Variants in KIF27 observed in about 807,000 individuals in gnomAD.
KIF27 encodes kinesin family member 27, also known as kinesin-like protein KIF27.
In KIF27, 84 loss-of-function variants were observed where a neutral mutation model predicts 141.8. That is an observed-to-expected ratio of 0.59 (90% CI 0.50 to 0.71). The LOEUF is 0.71. KIF27 is among the 30% of genes least tolerant of loss of function. The pLI is 0.00. For synonymous variants in KIF27, 471 were observed against 569.5 expected, an observed-to-expected ratio of 0.83 and a Z score of 2.46; for missense variants, 1,306 against 1,628.4, an observed-to-expected ratio of 0.80 and a Z score of 3.41.
chr9:83,903,826 T>C lies in KIF27; in HGVS notation c.692A>G (p.Tyr231Cys), dbSNP rs1954200065. 6.2e-7 allele frequency: 1 copy of C among 1,614,058 alleles called. No homozygotes were observed. Among genetic ancestry groups the C allele is most frequent in the Non-Finnish European group, 8.5e-7 (1 of 1,180,040 alleles). Residue 231 changes from tyrosine to cysteine, a missense_variant, in exon 4 of 18, where the codon TAT becomes TGT. Transcript: ENST00000297814. The part of the protein sequence containing the change: ...NMEAAEDGSW[Y>C]SPRHIVSKFH... ...CTTTGAGACAATATGCCGAGGGGAATACCATGATCCATCTTCAGCTGCCTC... is the reference window on the plus strand; with the variant it reads ...CTTTGAGACAATATGCCGAGGGGAACACCATGATCCATCTTCAGCTGCCTC...
intron 4 of KIF27, among the ~76,000 whole-genome samples, chr9:83,902,298 G>A (rs1248613999): frequency 2.0e-5 from 3 of 152,110 alleles, no homozygotes; most frequent in Admixed American, 6.6e-5. Context: ...ACAGAACCAT[G>A]GAAGCTGGGA....
In KIF27 at chr9:83,903,171, G is replaced by T. The variant is rs369773131; in HGVS notation, c.1347C>A (p.Val449=). The T allele has an allele frequency of 6.2e-7, 1 of 1,614,036 alleles. No homozygotes were observed. The highest frequency in any genetic ancestry group is 1.3e-5 in the African/African-American group (1 of 74,916). The stretch of plus-strand genomic sequence containing the variant: ...GAAATGAGGTGAGGACAGCCTTCCT[G>T]ACCTCTTGGATCATGTTAAACCACT... ...LQEWFNMIQE[V]RKAVLTSFRG... is the part of the protein sequence containing the mutation. The change falls in exon 4 of 18, where the codon GTC becomes GTA. Residue 449 remains valine, a synonymous_variant. Transcript: ENST00000297814.
intron 2 of KIF27, among the ~76,000 whole-genome samples, chr9:83,913,139 AGG>A (rs1309655094): frequency 1.6e-4 from 25 of 152,272 alleles, no homozygotes; most frequent in African/African-American, 5.8e-4. Flanking sequence ...CACTCCAGCC[AGG>A]GTGACAGACC....
At chr9:83,845,796 G>C (rs1290571366) in intron 16 of KIF27, among the ~76,000 whole-genome samples, 3 of 152,214 alleles carry the variant, frequency 2.0e-5, no homozygotes, top group Non-Finnish European at 2.9e-5. Flanking sequence ...TCAGGGACTT[G>C]GAAGAAGCAT....
rs2780084 is a variant in KIF27, at chr9:83,899,820, A to G, written c.1459-16T>C. 5.1e-5 allele frequency: 81 copies of G among 1,591,200 alleles called. 1 individual carries two copies. The South Asian group carries it at 8.6e-4, about 17-fold the overall frequency. ...CAAGCACACACTAGTGGGGAAAGAA[A>G]GCACAAGTGACATTCACCACAGAAA... On this transcript the variant is annotated splice_polypyrimidine_tract_variant and intron_variant, in intron 4 of 17. Coordinates refer to ENST00000297814, the MANE Select transcript of KIF27 (RefSeq NM_017576.4).
In KIF27 at chr9:83,834,739, C is replaced by G. The variant is rs1268792446; in HGVS notation, c.*2262G>C. On this transcript the variant is annotated 3_prime_UTR_variant, in exon 18 of 18. Coordinates refer to ENST00000297814, the MANE Select transcript of KIF27 (RefSeq NM_017576.4). ...AATAAATATTTATTTATAAATATTG[C>G]TGTGCTTGCTAAGGGCACTGACCTT... 1.3e-5 allele frequency among the ~76,000 whole-genome samples: 2 copies of G among 150,882 alleles called. No homozygotes were observed. Among genetic ancestry groups the G allele is most frequent in the Non-Finnish European group, 3.0e-5 (2 of 67,692 alleles).
At position 83,837,670 on chromosome 9, in the gene KIF27, A is replaced by G. The variant is rs533846591; in HGVS notation, c.3722-185T>C. ...ATATGAATATTTTTATTTCACTTAC[A>G]GGCATCTTGCATGTGAATAACTCAC... is the stretch of plus-strand genomic sequence containing the variant. On this transcript the variant is annotated intron_variant, in intron 17 of 17. Transcript: ENST00000297814. The G allele has an allele frequency of 3.1e-3, 1,591 of 506,664 alleles. 24 individuals are homozygous for G. The highest frequency in any genetic ancestry group is 0.029 in the African/African-American group (1,444 of 50,372). The allele number at this position is 506,664 out of a possible 1,614,324, so 31.4% of individuals were successfully genotyped here.
intron 16 of KIF27, chr9:83,848,555 TATCTATATATAG>T (rs1399813059): frequency 6.8e-6 from 1 of 146,204 alleles, no homozygotes; most frequent in Admixed American, 6.9e-5. Flanking sequence ...CATATATCTA[TATCTATATATAG>T]ATCTATATAT....
At chr9:83,862,758 C>T (rs946597066) in intron 13 of KIF27, among the ~76,000 whole-genome samples, 3 of 152,044 alleles carry the variant, frequency 2.0e-5, no homozygotes, top group African/African-American at 7.2e-5. Flanking sequence ...CTATAAATTA[C>T]CTTGGGCAGT....
Position 83,842,419 on chromosome 9 carries a change from G to C in KIF27, c.3557-18C>G. On this transcript the variant is annotated intron_variant, in intron 16 of 17. Transcript: ENST00000297814. Reference sequence around the variant, plus strand: ...ATCTTGTTCTATACAACAAAAATTTGCATTTAAAATCAGTTTTAAATAAAT... The same window carrying C: ...ATCTTGTTCTATACAACAAAAATTTCCATTTAAAATCAGTTTTAAATAAAT... 1 of 1,472,760 alleles carries C rather than the reference G, an allele frequency of 6.8e-7. No homozygotes were observed. The highest frequency in any genetic ancestry group is 1.9e-4 in the Middle Eastern group (1 of 5,138). 91.2% of individuals were successfully genotyped at this position (1,472,760 alleles called of 1,614,324 possible).
At chr9:83,870,870 T>C (rs1048257170) in intron 11 of KIF27, among the ~76,000 whole-genome samples, 2 of 151,976 alleles carry the variant, frequency 1.3e-5, no homozygotes, top group Non-Finnish European at 2.9e-5. Flanking sequence ...TAGATGACAG[T>C]TGGGGCTCTA....
rs143915976 is a variant in KIF27 at position 83,853,828 on chromosome 9, T to C, written c.3158A>G (p.His1053Arg). Residue 1053 changes from histidine (H) to arginine (R), a missense_variant, in exon 15 of 18, where the codon CAT (histidine) becomes CGT (arginine). Physicochemically the swap from His to Arg is conservative, Grantham distance 29. This residue lies in a region of KIF27 where 596 missense variants were observed against 751.6 expected (regional missense o/e 0.79). Transcript: ENST00000297814. ...CCCTTCTTCAAGTTGGAAAAGAACA[T>C]GTTCTTCCTAGATATAACAGAAATC... is the stretch of plus-strand genomic sequence containing the variant. ...NGRVLSPEEEHVLFQLEEGIE... is the reference protein window; with the variant it reads ...NGRVLSPEEERVLFQLEEGIE... The C allele has an allele frequency of 1.6e-4, 255 of 1,600,950 alleles. 1 individual carries two copies. The African/African-American group carries it at 1.8e-3, about 12-fold the overall frequency.
chr9:83,857,753 C>G (rs1350139002), intron 14 of KIF27, among the ~76,000 whole-genome samples: 4 of 152,118 alleles, frequency 2.6e-5, no homozygotes, highest in African/African-American at 9.7e-5. Flanking sequence ...TTTTCATAAT[C>G]TAGCTCAAGA....
At chr9:83,848,295 G>GATATGATATATATGATATATC (rs1947983016) in intron 16 of KIF27, among the ~76,000 whole-genome samples, 2 of 61,388 alleles carry the variant, frequency 3.3e-5, no homozygotes, top group South Asian at 4.4e-4. Flanking sequence ...TGATATATCA[G>GATATGATATATATGATATATC]ATATGATATA....
In KIF27 at chr9:83,903,657, C is replaced by T. The variant is rs1320086271; in HGVS notation, c.861G>A (p.Lys287=). 1 of 1,614,128 alleles carries T rather than the reference C, an allele frequency of 6.2e-7. No individual in the cohort carries two copies. Among genetic ancestry groups the T allele is most frequent in the Admixed American group, 1.7e-5 (1 of 60,014 alleles). The stretch of plus-strand genomic sequence containing the variant: ...CATCCCTATATGGAATATGTGAACT[C>T]TTCCTGCGTGGGTCCCCAAGAGCGC... ...VISALGDPRR[K]SSHIPYRDAK... is the part of the protein sequence containing the mutation. The change falls in exon 4 of 18, where the codon AAG becomes AAA. Residue 287 remains lysine (K), a synonymous_variant. Coordinates refer to ENST00000297814, the MANE Select transcript of KIF27 (RefSeq NM_017576.4).
At chr9:83,867,886 A>C in intron 12 of KIF27, 26 bp from the exon 13 acceptor site, 1 of 1,554,490 alleles carries the variant, frequency 6.4e-7, no homozygotes, top group Non-Finnish European at 8.6e-7. Flanking sequence ...AAAAAAAGTT[A>C]CTTGTTTTTC....
chr9:83,889,759 C>T (rs1009829873), intron 6 of KIF27, among the ~76,000 whole-genome samples: 87 of 152,152 alleles, frequency 5.7e-4, no homozygotes, highest in African/African-American at 1.9e-3. Context: ...AATGTATATA[C>T]TTATTCTTTA....
At chr9:83,876,217 C>T (rs190418761) in intron 11 of KIF27, among the ~76,000 whole-genome samples, 1 of 152,090 alleles carries the variant, frequency 6.6e-6, no homozygotes, top group African/African-American at 2.4e-5. Context: ...TACTCCATCC[C>T]AGGTGAGTAT....
intron 16 of KIF27, among the ~76,000 whole-genome samples, chr9:83,849,784 CTG>C (rs1948324223): frequency 1.3e-5 from 2 of 152,036 alleles, no homozygotes; most frequent in African/African-American, 4.8e-5. Context: ...AAAAATTCAA[CTG>C]TATACCAAAA....
Sources: gnomAD v4.1 joint callset for allele counts (sites outside exome capture counted in the v4.1 genomes callset) on GRCh38, gnomAD v4.1.1 for gene constraint, gnomAD v4.1.1 regional missense constraint, MANE v1.5 for transcripts, NCBI Gene and HGNC (gene_info 2026-07-23, HGNC 2026-07-21) for gene names.